Variants in KLHDC8A observed in about 807,000 individuals in gnomAD.
The protein encoded by KLHDC8A is kelch domain containing 8A.
In KLHDC8A, 21 loss-of-function variants were observed where a neutral mutation model predicts 33.1. The observed-to-expected ratio is 0.64, with a 90% CI of 0.45 to 0.91. The LOEUF (loss-of-function observed/expected upper bound fraction) is 0.91. Among genes scored for constraint, KLHDC8A ranks in the 40% least tolerant of loss-of-function variants. KLHDC8A has a pLI of 0.00. For synonymous variants in KLHDC8A, 173 were observed against 193.5 expected, an observed-to-expected ratio of 0.89 and a Z score of 0.88; for missense variants, 435 against 483.3, an observed-to-expected ratio of 0.90 and a Z score of 0.94.
Position 205,356,732 on chromosome 1 carries a change from G to T in KLHDC8A, c.-389C>A. 1 of 382,224 alleles carries T rather than the reference G, an allele frequency of 2.6e-6. No homozygotes were observed. The highest frequency in any genetic ancestry group is 5.3e-6 in the Non-Finnish European group (1 of 189,484). The allele number at this position is 382,224 out of a possible 1,614,324, so 23.7% of individuals were successfully genotyped here. On this transcript the variant is annotated 5_prime_UTR_variant, in exon 1 of 6. Transcript: ENST00000367155. ...CCACTGCTGCTGCCTCTGGCTGATCGACTGGGATGCAGCCAGGCCCCTATG... is the reference window on the plus strand; with the variant it reads ...CCACTGCTGCTGCCTCTGGCTGATCTACTGGGATGCAGCCAGGCCCCTATG...
rs146237344 is a variant in KLHDC8A, at chr1:205,338,552, G to A, written c.802C>T (p.Arg268Trp). ...MERSFFLKKR[R>W]ADFVAGSLSG... ...AGAGAGCCAGCCACAAAATCTGCCC[G>A]CCGCTTCTTGAGGAAGAACGATCGT... The change falls in exon 5 of 6, where the codon CGG becomes TGG. Residue 268 changes from arginine to tryptophan, a missense_variant. Coordinates refer to ENST00000367155, the MANE Select transcript of KLHDC8A (RefSeq NM_018203.3). The A allele has an allele frequency of 7.4e-6, 12 of 1,613,972 alleles. No individual in the cohort carries two copies. Among genetic ancestry groups the A allele is most frequent in the East Asian group, 2.2e-5 (1 of 44,890 alleles).
chr1:205,339,154 G>C lies in KLHDC8A; in HGVS notation c.757+40C>G. 1 of 1,559,622 alleles carries C rather than the reference G, an allele frequency of 6.4e-7. No individual in the cohort carries two copies. The highest frequency in any genetic ancestry group is 8.8e-7 in the Non-Finnish European group (1 of 1,133,244). ...GGATGGGGAGCCAGCCAGAAGGGCA[G>C]TGGGCAGCCAGAGCTTCCTGGGGAA... On this transcript the variant is annotated intron_variant, in intron 4 of 5. Coordinates refer to ENST00000367155, the MANE Select transcript of KLHDC8A (RefSeq NM_018203.3). This position sits in a 1 kb window ranked among gnomAD's most constrained non-coding sequence, Gnocchi z 5.1.
intron 1 of KLHDC8A, among the ~76,000 whole-genome samples, chr1:205,350,826 T>TGCGTGTGTGTGTGTGCAC (rs1292647538): frequency 2.4e-4 from 37 of 151,774 alleles, no homozygotes; most frequent in African/African-American, 8.5e-4. Flanking sequence ...TGTGTGTGCA[T>TGCGTGTGTGTGTGTGCAC]GCATGTGTGT....
At chr1:205,340,705 C>T (rs1040182358) in intron 2 of KLHDC8A, among the ~76,000 whole-genome samples, 2 of 152,172 alleles carry the variant, frequency 1.3e-5, no homozygotes, top group African/African-American at 4.8e-5. Flanking sequence ...AAACTCCTGA[C>T]CTCAGGTGAT....
intron 1 of KLHDC8A, among the ~76,000 whole-genome samples, chr1:205,354,163 C>T (rs1413758628): frequency 6.6e-6 from 1 of 152,236 alleles, no homozygotes; most frequent in East Asian, 1.9e-4. Context: ...TGAGCATGGG[C>T]CACAGACAAG....
chr1:205,343,385 C>A lies in KLHDC8A; in HGVS notation c.220G>T (p.Val74Phe). The A allele has an allele frequency of 6.2e-7, 1 of 1,613,422 alleles. No individual in the cohort carries two copies. ...ATGATCCGCTTCCCCAGGGCGGTGA[C>A]GGCCACCCCCGCCCGGGCTGTGGGC... ...RLPTARAGVAVTALGKRIMVI... is the reference protein window; with the variant it reads ...RLPTARAGVAFTALGKRIMVI... The change falls in exon 2 of 6, where the codon GTC becomes TTC. Residue 74 changes from valine to phenylalanine, a missense_variant. Coordinates refer to ENST00000367155, the MANE Select transcript of KLHDC8A (RefSeq NM_018203.3).
chr1:205,352,912 C>T (rs947644852), intron 1 of KLHDC8A, among the ~76,000 whole-genome samples: 10 of 152,228 alleles, frequency 6.6e-5, no homozygotes, highest in Non-Finnish European at 1.3e-4. Context: ...CATCACTAGG[C>T]AAGAAACAGA....
At chr1:205,353,332 C>T (rs941910075) in intron 1 of KLHDC8A, among the ~76,000 whole-genome samples, 1 of 152,204 alleles carries the variant, frequency 6.6e-6, no homozygotes, top group African/African-American at 2.4e-5. Context: ...TATTGGAACA[C>T]AGCCACACTC....
intron 2 of KLHDC8A, 108 bp downstream of exon 2, chr1:205,343,121 G>T: frequency 1.4e-6 from 2 of 1,432,868 alleles, no homozygotes; most frequent in Non-Finnish European, 1.9e-6. Context: ...GCAGAAATAT[G>T]GCACTAAACT....
chr1:205,339,400 T>A lies in KLHDC8A; in HGVS notation c.551A>T (p.Gln184Leu). 1 of 1,613,506 alleles carries A rather than the reference T, an allele frequency of 6.2e-7. No individual in the cohort carries two copies. Residue 184 changes from glutamine (Q) to leucine (L), a missense_variant, in exon 4 of 6, where the codon CAG (glutamine) becomes CTG (leucine). Transcript: ENST00000367155. This position sits in a 1 kb window ranked among gnomAD's most constrained non-coding sequence, Gnocchi z 5.1. ...GSKIYVLGGR[Q>L]SKYAVNAFEV... Reference sequence around the variant, plus strand: ...GAAAGCGTTGACCGCGTACTTGGACTGTCGTCCCCCTGGGGGCCAGAGCAG... The same window carrying A: ...GAAAGCGTTGACCGCGTACTTGGACAGTCGTCCCCCTGGGGGCCAGAGCAG...
At chr1:205,351,861 G>A (rs912368337) in intron 1 of KLHDC8A, among the ~76,000 whole-genome samples, 45 of 152,054 alleles carry the variant, frequency 3.0e-4, no homozygotes, top group African/African-American at 1.1e-3. Flanking sequence ...GGAGGTTGCG[G>A]TGAGCTGAGA....
rs1009152998 is a variant in KLHDC8A, at chr1:205,343,810, G to A, written c.-189-17C>T. On this transcript the variant is annotated splice_polypyrimidine_tract_variant and intron_variant, in intron 1 of 5. Transcript: ENST00000367155. ...CGCCTGGCCCTGCGGGGGGAACGCG[G>A]TGAATCAAGGGCAGCTGGGGCCACG... 6.9e-6 allele frequency: 4 copies of A among 580,052 alleles called. No individual in the cohort carries two copies. The African/African-American group carries it at 8.0e-5, about 12-fold the overall frequency. The allele number at this position is 580,052 out of a possible 1,614,324, so 35.9% of individuals were successfully genotyped here. A position where few individuals can be genotyped will look rare whatever the true frequency, so the allele number is the denominator to read the frequency against.
chr1:205,354,595 A>G (rs1306166556), intron 1 of KLHDC8A, among the ~76,000 whole-genome samples: 1 of 152,200 alleles, frequency 6.6e-6, no homozygotes, highest in Non-Finnish European at 1.5e-5. Flanking sequence ...GGCCAGTGGG[A>G]TGGAAGCTGC....
At position 205,339,097 on chromosome 1, in the gene KLHDC8A, C is replaced by T. The variant is rs993832433; in HGVS notation, c.757+97G>A. 63 of 997,098 alleles carry T rather than the reference C, an allele frequency of 6.3e-5. No individual in the cohort carries two copies. The highest frequency in any genetic ancestry group is 4.1e-4 in the East Asian group (16 of 39,096). 61.8% of individuals were successfully genotyped at this position (997,098 alleles called of 1,614,324 possible). ...TGAGAAGCTTGCCCAGCTGGGTAAA[C>T]GGCCCTGGAAGATGGCTGGAATAGG... On this transcript the variant is annotated intron_variant, in intron 4 of 5. Coordinates refer to ENST00000367155, the MANE Select transcript of KLHDC8A (RefSeq NM_018203.3). This position sits in a 1 kb window ranked among gnomAD's most constrained non-coding sequence, Gnocchi z 5.1.
intron 2 of KLHDC8A, among the ~76,000 whole-genome samples, chr1:205,340,663 C>T (rs1204829120): frequency 3.3e-5 from 5 of 152,064 alleles, no homozygotes; most frequent in African/African-American, 1.2e-4. Flanking sequence ...TTAGTAGAGA[C>T]GGGGTTTCAC....
intron 2 of KLHDC8A, among the ~76,000 whole-genome samples, chr1:205,340,590 T>C (rs1352520058): frequency 6.6e-6 from 1 of 152,120 alleles, no homozygotes. Flanking sequence ...GTTCAAGCGA[T>C]TCTCCTGCCT....
At chr1:205,343,151 C>T (rs562070613) in intron 2 of KLHDC8A, 78 bp downstream of exon 2, 2 of 1,512,640 alleles carry the variant, frequency 1.3e-6, no homozygotes, top group South Asian at 1.3e-5. Context: ...ACAGCAAATG[C>T]CTGTTGGTTT....
chr1:205,346,247 T>TA (rs1662944005), intron 1 of KLHDC8A, among the ~76,000 whole-genome samples: 1 of 152,190 alleles, frequency 6.6e-6, no homozygotes, highest in Non-Finnish European at 1.5e-5. Flanking sequence ...ACACCAAACA[T>TA]TTCCCTTTCT....
chr1:205,355,554 A>G (rs995788507), intron 1 of KLHDC8A, among the ~76,000 whole-genome samples: 13 of 152,244 alleles, frequency 8.5e-5, no homozygotes, highest in Non-Finnish European at 1.6e-4. Context: ...GTCAATAATA[A>G]CAATAATAAT....
Sources: allele counts gnomAD v4.1 joint callset (sites outside exome capture counted in the v4.1 genomes callset), GRCh38; gene constraint gnomAD v4.1.1; non-coding constraint Gnocchi (gnomAD v3.1); transcripts MANE v1.5; gene names NCBI Gene and HGNC (gene_info 2026-07-23, HGNC 2026-07-21).